The following LDAH variants were observed in gnomAD, a reference collection of about 807,000 sequenced individuals.
LDAH encodes lipid droplet-associated hydrolase.
In LDAH, 26 loss-of-function variants were observed where a neutral mutation model predicts 29.6. That is an observed-to-expected ratio of 0.88 (90% CI 0.64 to 1.22). LDAH has a LOEUF of 1.22. Among genes scored for constraint, LDAH ranks in the 50% most tolerant of loss-of-function variants. The probability of loss-of-function intolerance (pLI) is 0.00; values close to 1 mark genes in which losing one functional copy is unlikely to be tolerated. For missense variants in LDAH, 344 were observed against 387.3 expected (o/e 0.89, Z 0.94); for synonymous variants, 117 against 133.0 (o/e 0.88, Z 0.83).
intron 1 of LDAH, among the ~76,000 whole-genome samples, chr2:20,807,657 C>G (rs1441262520): frequency 6.6e-6 from 1 of 151,646 alleles, no homozygotes; most frequent in Admixed American, 6.6e-5. Flanking sequence ...AAATTCTTAA[C>G]AAGTGAGAAA....
intron 4 of LDAH, among the ~76,000 whole-genome samples, chr2:20,761,806 G>T (rs1268399149): frequency 6.6e-6 from 1 of 151,082 alleles, no homozygotes; most frequent in African/African-American, 2.4e-5. Context: ...TTTTAAAAAA[G>T]ATCTATCCTG....
At chr2:20,748,019 T>C (rs1213467848) in intron 4 of LDAH, among the ~76,000 whole-genome samples, 2 of 152,204 alleles carry the variant, frequency 1.3e-5, no homozygotes, top group African/African-American at 2.4e-5. Flanking sequence ...AATTTTCTTA[T>C]GGTTGAACCA....
chr2:20,814,503 C>T (rs1367678931), intron 1 of LDAH, among the ~76,000 whole-genome samples: 2 of 151,930 alleles, frequency 1.3e-5, no homozygotes, highest in African/African-American at 4.8e-5. Flanking sequence ...CTTTGTCACC[C>T]AGGCTGGAAT....
At chr2:20,797,144 G>A (rs982910578) in intron 2 of LDAH, among the ~76,000 whole-genome samples, 3 of 152,080 alleles carry the variant, frequency 2.0e-5, no homozygotes, top group Non-Finnish European at 2.9e-5. Flanking sequence ...GATGCTGAAC[G>A]GACTGACTTC....
intron 4 of LDAH, among the ~76,000 whole-genome samples, chr2:20,757,888 C>G (rs566538402): frequency 1.3e-5 from 2 of 152,178 alleles, no homozygotes; most frequent in South Asian, 4.1e-4. Flanking sequence ...ATCAGAAATT[C>G]TGGCTCTCAG....
intron 1 of LDAH, among the ~76,000 whole-genome samples, chr2:20,809,849 A>G (rs1672354131): frequency 6.6e-6 from 1 of 152,322 alleles, no homozygotes; most frequent in African/African-American, 2.4e-5. Flanking sequence ...AAGCTGTCCT[A>G]CTGTTCACTA....
chr2:20,810,717 T>C (rs949213223), intron 1 of LDAH, among the ~76,000 whole-genome samples: 1 of 152,214 alleles, frequency 6.6e-6, no homozygotes, highest in Non-Finnish European at 1.5e-5. Flanking sequence ...CCCTGGGCCA[T>C]GGTCTGGAAC....
intron 2 of LDAH, among the ~76,000 whole-genome samples, chr2:20,800,155 C>A (rs1671564669): frequency 6.6e-6 from 1 of 152,166 alleles, no homozygotes; most frequent in Non-Finnish European, 1.5e-5. Context: ...TGTAAAAATA[C>A]TAGAAGACAT....
rs776930106 is a variant in LDAH, at chr2:20,740,115, G to A, written c.559C>T (p.Arg187Ter). 21 of 1,614,070 alleles carry A rather than the reference G, an allele frequency of 1.3e-5. No homozygotes were observed. Among genetic ancestry groups the A allele is most frequent in the Admixed American group, 5.0e-5 (3 of 60,012 alleles). Residue 187 changes from arginine to a stop codon, truncating the protein, a stop_gained, in exon 5 of 7, where the codon CGA (arginine) becomes TGA (stop). Transcript: ENST00000237822. LOFTEE classifies it high-confidence loss of function. ...RIATPLLCWFRYVLYVTGYLL... is the reference protein window; with the variant it reads ...RIATPLLCWF ...TAGCCAGTAACATAGAGAACATATC[G>A]AAACCAGCACAAAAGTGGAGTGGCA...
At chr2:20,805,516 C>T (rs1354682650) in intron 1 of LDAH, among the ~76,000 whole-genome samples, 1 of 152,212 alleles carries the variant, frequency 6.6e-6, no homozygotes, top group East Asian at 1.9e-4. Flanking sequence ...AAGGAGAGTA[C>T]GTTGTAATTA....
At chr2:20,782,210 C>T (rs562611378) in intron 3 of LDAH, among the ~76,000 whole-genome samples, 2 of 152,180 alleles carry the variant, frequency 1.3e-5, no homozygotes, top group South Asian at 2.1e-4. Context: ...AAATCAACAA[C>T]TCAGAGGTAG....
chr2:20,742,266 T>C (rs1287846257), intron 4 of LDAH, among the ~76,000 whole-genome samples: 3 of 152,220 alleles, frequency 2.0e-5, no homozygotes, highest in Admixed American at 6.5e-5. Flanking sequence ...AGAATGTGTA[T>C]TCTGCTCTTG....
intron 4 of LDAH, among the ~76,000 whole-genome samples, chr2:20,741,665 A>G (rs1335933948): frequency 1.3e-5 from 2 of 151,852 alleles, no homozygotes; most frequent in Admixed American, 1.3e-4. Flanking sequence ...CCACCATTCT[A>G]CTCCCCACTT....
At chr2:20,815,810 A>C (rs1672806338) in intron 1 of LDAH, among the ~76,000 whole-genome samples, 1 of 152,116 alleles carries the variant, frequency 6.6e-6, no homozygotes, top group Non-Finnish European at 1.5e-5. Flanking sequence ...ATGTATCAAT[A>C]AGGTTTAATT....
intron 1 of LDAH, among the ~76,000 whole-genome samples, chr2:20,811,484 G>GC (rs1204584384): frequency 8.3e-5 from 12 of 144,768 alleles, no homozygotes; most frequent in Non-Finnish European, 4.6e-5. Context: ...GATTAAACTA[G>GC]TTTTTTTTTT....
chr2:20,738,253 AAATAATAATAATAAT>A (rs3047714), intron 5 of LDAH, among the ~76,000 whole-genome samples: 52 of 141,776 alleles, frequency 3.7e-4, no homozygotes, highest in African/African-American at 1.2e-3. Flanking sequence ...TTCCATCTCA[AAATAATAATAATAAT>A]AATAATAATA....
At chr2:20,769,932 C>T (rs1669290876) in intron 4 of LDAH, among the ~76,000 whole-genome samples, 1 of 152,118 alleles carries the variant, frequency 6.6e-6, no homozygotes, top group Non-Finnish European at 1.5e-5. Flanking sequence ...AAGTACTTAA[C>T]ACTGAGAGAG....
intron 3 of LDAH, chr2:20,789,175 G>T (rs774072129): frequency 4.4e-5 from 68 of 1,550,346 alleles, no homozygotes; most frequent in Non-Finnish European, 5.5e-5. Context: ...TGCTTATATG[G>T]CCCCCAAATC....
chr2:20,717,581 C>G (rs1196499615), intron 5 of LDAH, among the ~76,000 whole-genome samples: 1 of 152,178 alleles, frequency 6.6e-6, no homozygotes, highest in Non-Finnish European at 1.5e-5. Flanking sequence ...CTGACTACCA[C>G]AAGAACAGGT....
Sources: gnomAD v4.1 joint callset for allele counts (sites outside exome capture counted in the v4.1 genomes callset) on GRCh38, gnomAD v4.1.1 for gene constraint, MANE v1.5 for transcripts, NCBI Gene and HGNC (gene_info 2026-07-23, HGNC 2026-07-21) for gene names.